Variants in SAMSN1 observed in about 807,000 individuals in gnomAD.
SAMSN1 encodes SAM domain, SH3 domain and nuclear localization signals 1.
A neutral mutation model predicts 42.0 loss-of-function variants in SAMSN1; 31 were observed. The ratio of observed to expected loss-of-function variants is 0.74; its 90% CI spans 0.55 to 1.00. The LOEUF (loss-of-function observed/expected upper bound fraction) is 1.00, where lower values mean the gene tolerates loss of function less well. Ranked by LOEUF, SAMSN1 falls within the 50% of genes least tolerant of loss-of-function variation. The pLI is 0.00. For synonymous variants in SAMSN1, 178 were observed against 151.9 expected, an observed-to-expected ratio of 1.17 and a Z score of -1.26; for missense variants, 464 against 439.4, an observed-to-expected ratio of 1.06 and a Z score of -0.50.
intron 7 of SAMSN1, among the ~76,000 whole-genome samples, chr21:14,495,240 G>A (rs958619371): frequency 4.3e-4 from 65 of 152,142 alleles, no homozygotes; most frequent in African/African-American, 1.4e-3. Flanking sequence ...AAGGTTGTGT[G>A]TTTAATCTTT....
At position 14,623,617 on chromosome 21, in the gene SAMSN1, T is replaced by C. The variant is rs141125336; in HGVS notation, c.157-7601A>G. On this transcript the variant is annotated intron_variant, in intron 2 of 15. Coordinates refer to the SAMSN1 transcript ENST00000647101. Reference sequence around the variant, plus strand: ...TGGACCCAAAACAGAAGCACCCAGATTCATAAAGCAAGTCCTTAGAGACCT... The same window carrying C: ...TGGACCCAAAACAGAAGCACCCAGACTCATAAAGCAAGTCCTTAGAGACCT... 4.2e-3 allele frequency among the ~76,000 whole-genome samples: 632 copies of C among 152,194 alleles called. 3 individuals are homozygous for C. Among genetic ancestry groups the C allele is most frequent in the African/African-American group, 0.013 (555 of 41,512 alleles).
At chr21:14,561,985 G>T (rs750615674) in intron 2 of SAMSN1, among the ~76,000 whole-genome samples, 117 of 152,358 alleles carry the variant, frequency 7.7e-4, no homozygotes, top group Non-Finnish European at 1.4e-3. Flanking sequence ...CCTTGATTTT[G>T]GACTTTTAGC....
At chr21:14,559,339 C>T (rs1367780513) in intron 2 of SAMSN1, among the ~76,000 whole-genome samples, 2 of 152,142 alleles carry the variant, frequency 1.3e-5, no homozygotes, top group Non-Finnish European at 2.9e-5. Flanking sequence ...GTAGTATCAC[C>T]TTACCAAGGC....
intron 3 of SAMSN1, chr21:14,612,928 GA>G (rs1982746860): frequency 7.2e-6 from 5 of 691,226 alleles, no homozygotes; most frequent in Non-Finnish European, 1.3e-5. Context: ...AAGAATAAAA[GA>G]AAAAGATATT....
intron 2 of SAMSN1, among the ~76,000 whole-genome samples, chr21:14,577,783 T>C (rs1981556716): frequency 6.6e-6 from 1 of 152,220 alleles, no homozygotes; most frequent in African/African-American, 2.4e-5. Context: ...TTAGAAAAGA[T>C]CATCATCCTT....
At chr21:14,529,685 A>C (rs1979113803) in intron 1 of SAMSN1, among the ~76,000 whole-genome samples, 1 of 152,204 alleles carries the variant, frequency 6.6e-6, no homozygotes, top group South Asian at 2.1e-4. Context: ...ATCCTGTTCA[A>C]ATGAAAGATA....
intron 1 of SAMSN1, among the ~76,000 whole-genome samples, chr21:14,532,163 G>A (rs1379380417): frequency 6.6e-6 from 1 of 152,088 alleles, no homozygotes; most frequent in African/African-American, 2.4e-5. Context: ...AGCAGAGCAA[G>A]GTCACTCTTC....
chr21:14,499,672 T>C lies in SAMSN1; in HGVS notation c.768+857A>G, dbSNP rs17003328. Among the ~76,000 whole-genome samples the C allele has an allele frequency of 6.3e-3, 958 of 152,176 alleles. 7 individuals carry two copies. The highest frequency in any genetic ancestry group is 0.022 in the African/African-American group (894 of 41,516). On this transcript the variant is annotated intron_variant, in intron 6 of 7. Coordinates refer to ENST00000400566, the MANE Select transcript of SAMSN1 (RefSeq NM_022136.5). Reference sequence around the variant, plus strand: ...TCATAGACCTTGGTTTTCTCACAGGTCACACAATGAACAAGATTCAGAGGC... The same window carrying C: ...TCATAGACCTTGGTTTTCTCACAGGCCACACAATGAACAAGATTCAGAGGC...
In SAMSN1 at chr21:14,611,525, T is replaced by C. The variant is rs190788866; in HGVS notation, c.235+1351A>G. The stretch of plus-strand genomic sequence containing the variant: ...TTTTGATTATAGAAAAGGCAGTTGA[T>C]CATCAAGAACTGTGTTAGGATAGAA... On this transcript the variant is annotated intron_variant, in intron 4 of 15. Coordinates refer to the SAMSN1 transcript ENST00000647101. 2.0e-5 allele frequency among the ~76,000 whole-genome samples: 3 copies of C among 152,346 alleles called. No individual in the cohort carries two copies. In the East Asian group the frequency reaches 5.8e-4, roughly 29 times the overall value.
At chr21:14,557,609 T>C (rs1980805652) in intron 2 of SAMSN1, among the ~76,000 whole-genome samples, 3 of 152,194 alleles carry the variant, frequency 2.0e-5, no homozygotes, top group Admixed American at 2.0e-4. Flanking sequence ...AGCTACCAGT[T>C]AAGGGAAATT....
intron 1 of SAMSN1, among the ~76,000 whole-genome samples, chr21:14,527,760 TAAAAAA>T (rs71183427): frequency 1.9e-5 from 2 of 107,850 alleles, no homozygotes; most frequent in Admixed American, 8.5e-5. Context: ...AAACTAGAAC[TAAAAAA>T]AAAAAAAAAA....
At position 14,510,409 on chromosome 21, in the gene SAMSN1, C is replaced by G. The variant is rs950257950; in HGVS notation, c.462G>C (p.Leu154=). The G allele has an allele frequency of 2.5e-6, 4 of 1,614,058 alleles. No homozygotes were observed. Among genetic ancestry groups the G allele is most frequent in the Admixed American group, 1.7e-5 (1 of 59,998 alleles). ...DGTSNRDSFR[L]DDDGPYSGPF... is the part of the protein sequence containing the mutation. The stretch of plus-strand genomic sequence containing the variant: ...GTCCTGAATAGGGGCCATCGTCATC[C>G]AGTCGAAAGCTGTCCCGGTTACTTG... Residue 154 remains leucine (L), a synonymous_variant, in exon 5 of 8, where the codon CTG becomes CTC. Transcript: ENST00000400566.
intron 7 of SAMSN1, among the ~76,000 whole-genome samples, chr21:14,486,453 G>A (rs963857791): frequency 6.6e-6 from 1 of 152,140 alleles, no homozygotes; most frequent in African/African-American, 2.4e-5. Flanking sequence ...TATCCACAGT[G>A]TGACTGATGC....
chr21:14,604,301 A>G (rs1303949777), intron 5 of SAMSN1, among the ~76,000 whole-genome samples: 1 of 152,148 alleles, frequency 6.6e-6, no homozygotes, highest in Non-Finnish European at 1.5e-5. Flanking sequence ...TGACTTTCCC[A>G]TTCCATCAAG....
Position 14,569,933 on chromosome 21 carries a change from C to T in SAMSN1, c.261+12203G>A, listed in dbSNP as rs187674185. Among the ~76,000 whole-genome samples, 9 of 151,876 alleles carry T rather than the reference C, an allele frequency of 5.9e-5. No homozygotes were observed. The East Asian group carries it at 1.6e-3, about 26-fold the overall frequency. On this transcript the variant is annotated intron_variant, in intron 2 of 8. Coordinates refer to the SAMSN1 transcript ENST00000285670. ...TTTTTTTTTCTAAAAGGAAATAACT[C>T]TCCTCTAAAAGTCAAATTTGTTTTT...
intron 7 of SAMSN1, among the ~76,000 whole-genome samples, chr21:14,591,641 T>C (rs753411321): frequency 6.6e-5 from 10 of 152,282 alleles, no homozygotes; most frequent in Admixed American, 1.3e-4. Flanking sequence ...GGAGAAAGAT[T>C]GCATAAGGTG....
At chr21:14,651,395 GTA>G (rs1983834379) in intron 1 of SAMSN1, among the ~76,000 whole-genome samples, 5 of 151,736 alleles carry the variant, frequency 3.3e-5, no homozygotes, top group African/African-American at 9.7e-5. Context: ...AAATCAATCA[GTA>G]TGATACATCA....
intron 1 of SAMSN1, among the ~76,000 whole-genome samples, chr21:14,648,518 C>G (rs1158376752): frequency 1.3e-5 from 2 of 152,164 alleles, no homozygotes; most frequent in Non-Finnish European, 2.9e-5. Context: ...ACAACCTACT[C>G]ATCTGACAAA....
intron 3 of SAMSN1, among the ~76,000 whole-genome samples, chr21:14,614,250 C>G (rs1982776782): frequency 6.6e-6 from 1 of 151,980 alleles, no homozygotes; most frequent in Non-Finnish European, 1.5e-5. Flanking sequence ...AATTATGTGT[C>G]TGGCATCTGC....
Sources: allele counts gnomAD v4.1 joint callset (sites outside exome capture counted in the v4.1 genomes callset), GRCh38; gene constraint gnomAD v4.1.1; transcripts MANE v1.5; gene names NCBI Gene and HGNC (gene_info 2026-07-23, HGNC 2026-07-21).